Variants in ADCY2 observed in about 807,000 individuals in gnomAD.
ADCY2 encodes the protein adenylate cyclase type 2.
In ADCY2, 31 loss-of-function variants were observed where a neutral mutation model predicts 125.2. The observed-to-expected ratio is 0.25, with a 90% confidence interval of 0.19 to 0.33. ADCY2 has a LOEUF of 0.33. Ranked by LOEUF, ADCY2 falls within the 10% of genes least tolerant of loss-of-function variation. ADCY2 has a pLI of 1.00. For missense variants in ADCY2, 904 were observed against 1,418.2 expected (o/e 0.64, Z 5.82); for synonymous variants, 512 against 548.4 (o/e 0.93, Z 0.93).
chr5:7,687,337 G>A (rs1014835927), intron 4 of ADCY2, among the ~76,000 whole-genome samples: 5 of 152,074 alleles, frequency 3.3e-5, no homozygotes, highest in South Asian at 2.1e-4. Context: ...AGGAAGGACC[G>A]GCTCTGTGTG....
At chr5:7,428,440 A>G (rs7712168) in intron 2 of ADCY2, among the ~76,000 whole-genome samples, 123,949 of 152,168 alleles carry the variant, frequency 0.81, 51,030 homozygotes, top group African/African-American at 0.88. Flanking sequence ...TATGATTTAT[A>G]ACCATTTTCA....
At chr5:7,758,658 C>T (rs376369286) in intron 16 of ADCY2, among the ~76,000 whole-genome samples, 1 of 152,128 alleles carries the variant, frequency 6.6e-6, no homozygotes, top group African/African-American at 2.4e-5. Flanking sequence ...AGACAGACAG[C>T]TGGGTAACCT....
At chr5:7,717,610 A>C (rs2126377749) in intron 12 of ADCY2, among the ~76,000 whole-genome samples, 1 of 152,320 alleles carries the variant, frequency 6.6e-6, no homozygotes, top group Admixed American at 6.5e-5. Context: ...TTCTTATTAC[A>C]AAATTAATGT....
At chr5:7,762,799 G>T (rs1743265805) in intron 16 of ADCY2, among the ~76,000 whole-genome samples, 1 of 151,654 alleles carries the variant, frequency 6.6e-6, no homozygotes, top group Admixed American at 6.6e-5. Context: ...TTTCTCAGTT[G>T]TTAACCCAGT....
intron 4 of ADCY2, among the ~76,000 whole-genome samples, chr5:7,663,207 A>T (rs982565665): frequency 6.6e-6 from 1 of 152,256 alleles, no homozygotes; most frequent in African/African-American, 2.4e-5. Flanking sequence ...CACACCTTCT[A>T]GATTGACACA....
intron 10 of ADCY2, among the ~76,000 whole-genome samples, chr5:7,711,131 T>C (rs1208605152): frequency 3.3e-5 from 5 of 152,168 alleles, no homozygotes; most frequent in Non-Finnish European, 4.4e-5. Flanking sequence ...AGGTCCAAGA[T>C]GGAGGCATGA....
intron 3 of ADCY2, among the ~76,000 whole-genome samples, chr5:7,625,876 T>C (rs771247309): frequency 6.6e-6 from 1 of 152,202 alleles, no homozygotes; most frequent in Non-Finnish European, 1.5e-5. Context: ...CGTGATTATT[T>C]CTGTCCACAT....
At chr5:7,561,748 G>C (rs770149896) in intron 3 of ADCY2, among the ~76,000 whole-genome samples, 3 of 152,192 alleles carry the variant, frequency 2.0e-5, no homozygotes, top group Non-Finnish European at 4.4e-5. Context: ...ACACGTCACT[G>C]TGTTGGGGAC....
intron 3 of ADCY2, among the ~76,000 whole-genome samples, chr5:7,551,010 TTCCCTCCCTCCC>T (rs200177703): frequency 2.2e-5 from 3 of 136,774 alleles, no homozygotes; most frequent in African/African-American, 2.7e-5. Flanking sequence ...GCCTCCCTTC[TTCCCTCCCTCCC>T]TCCCTCCCTC....
At chr5:7,630,627 G>GT (rs932149950) in intron 4 of ADCY2, among the ~76,000 whole-genome samples, 4 of 152,092 alleles carry the variant, frequency 2.6e-5, no homozygotes, top group Middle Eastern at 3.4e-3. Context: ...TAGCAGGGCT[G>GT]TTTTTTTCTG....
chr5:7,677,286 C>T (rs1740163578), intron 4 of ADCY2, among the ~76,000 whole-genome samples: 1 of 151,934 alleles, frequency 6.6e-6, no homozygotes, highest in Non-Finnish European at 1.5e-5. Context: ...CTAGAAAAAA[C>T]AAAAACAAAC....
chr5:7,613,936 G>A (rs1360632650), intron 3 of ADCY2, among the ~76,000 whole-genome samples: 1 of 152,234 alleles, frequency 6.6e-6, no homozygotes, highest in East Asian at 1.9e-4. Flanking sequence ...ATGCCTCTTT[G>A]AAGAGCAGGC....
intron 3 of ADCY2, among the ~76,000 whole-genome samples, chr5:7,608,983 C>T (rs146617010): frequency 7.9e-5 from 12 of 152,172 alleles, no homozygotes; most frequent in Admixed American, 7.9e-4. Flanking sequence ...TCTTCACCAC[C>T]CACTTCCCCT....
chr5:7,511,581 G>GA lies in ADCY2; in HGVS notation c.409-9148dup, dbSNP rs148837281. ...CAGAGTAAGACTCTGTCTCAAAAAA[G>GA]AAAAAAAAATGTAGTGTGATTAGCA... On this transcript the variant is annotated intron_variant, in intron 2 of 24. Transcript: ENST00000338316. Among the ~76,000 whole-genome samples the GA allele has an allele frequency of 9.9e-3, 1,488 of 150,398 alleles. 24 individuals carry two copies. Among genetic ancestry groups the GA allele is most frequent in the African/African-American group, 0.032 (1,302 of 40,984 alleles).
At chr5:7,729,977 G>A (rs1742050678) in intron 14 of ADCY2, among the ~76,000 whole-genome samples, 1 of 151,994 alleles carries the variant, frequency 6.6e-6, no homozygotes, top group African/African-American at 2.4e-5. Context: ...AGTGCATTCA[G>A]CACCCAAGTA....
intron 3 of ADCY2, among the ~76,000 whole-genome samples, chr5:7,601,887 G>T (rs140929158): frequency 1.5e-3 from 225 of 152,224 alleles, no homozygotes; most frequent in African/African-American, 5.3e-3. Context: ...CGTGACATTT[G>T]CTCTGTCATA....
At chr5:7,591,854 G>A (rs1462860803) in intron 3 of ADCY2, among the ~76,000 whole-genome samples, 1 of 152,150 alleles carries the variant, frequency 6.6e-6, no homozygotes. Flanking sequence ...CATTTTCCTG[G>A]CTGCTGGTGA....
intron 2 of ADCY2, among the ~76,000 whole-genome samples, chr5:7,466,711 G>A (rs1477813217): frequency 6.6e-6 from 1 of 152,148 alleles, no homozygotes; most frequent in African/African-American, 2.4e-5. Context: ...TATTTTCAAG[G>A]TAAAAATGTA....
At chr5:7,459,424 T>C (rs1446054724) in intron 2 of ADCY2, among the ~76,000 whole-genome samples, 1 of 152,224 alleles carries the variant, frequency 6.6e-6, no homozygotes, top group African/African-American at 2.4e-5. Flanking sequence ...TAAGGTTTAT[T>C]GTCTTCTCAC....
Sources: allele counts gnomAD v4.1 joint callset (sites outside exome capture counted in the v4.1 genomes callset), GRCh38; gene constraint gnomAD v4.1.1; transcripts MANE v1.5; gene names NCBI Gene and HGNC (gene_info 2026-07-23, HGNC 2026-07-21).